The following CSGALNACT1 variants were observed in gnomAD, a reference collection of about 807,000 sequenced individuals.
CSGALNACT1 encodes the protein chondroitin sulfate N-acetylgalactosaminyltransferase 1.
A neutral mutation model predicts 51.0 loss-of-function variants in CSGALNACT1; 52 were observed. That is an observed-to-expected ratio of 1.02 (90% CI 0.82 to 1.29). CSGALNACT1 has a LOEUF of 1.29. CSGALNACT1 is among the 50% of genes most tolerant of loss of function. The probability of loss-of-function intolerance (pLI) is 0.00; values close to 1 mark genes in which losing one functional copy is unlikely to be tolerated. For missense variants in CSGALNACT1, 935 were observed against 679.2 expected (o/e 1.38, Z -4.19); for synonymous variants, 341 against 254.4 (o/e 1.34, Z -3.24).
chr8:19,501,744 A>T (rs1456926440), intron 4 of CSGALNACT1, among the ~76,000 whole-genome samples: 2 of 152,252 alleles, frequency 1.3e-5, no homozygotes, highest in Middle Eastern at 3.2e-3. Flanking sequence ...ACAGGAAATC[A>T]GAGCCAAAAT....
intron 6 of CSGALNACT1, among the ~76,000 whole-genome samples, chr8:19,439,262 G>C (rs2060908169): frequency 6.6e-6 from 1 of 152,240 alleles, no homozygotes; most frequent in African/African-American, 2.4e-5. Context: ...GAGGTCTCAA[G>C]TTTTTGGTTA....
At chr8:19,463,282 CT>C (rs944272631) in intron 4 of CSGALNACT1, among the ~76,000 whole-genome samples, 1 of 152,146 alleles carries the variant, frequency 6.6e-6, no homozygotes, top group African/African-American at 2.4e-5. Flanking sequence ...AATTTCATCT[CT>C]TTTAAAAACG....
At chr8:19,406,596 GCAT>G (rs1202010533) in intron 9 of CSGALNACT1, among the ~76,000 whole-genome samples, 1 of 117,822 alleles carries the variant, frequency 8.5e-6, no homozygotes, top group Non-Finnish European at 1.7e-5. Flanking sequence ...ATAAACATGC[GCAT>G]AATAATTAAA....
intron 1 of CSGALNACT1, among the ~76,000 whole-genome samples, chr8:19,681,533 G>T (rs2154209027): frequency 6.6e-6 from 1 of 152,248 alleles, no homozygotes; most frequent in South Asian, 2.1e-4. Context: ...AAGTCTCCTG[G>T]GTCTGCATCA....
chr8:19,408,949 A>AC (rs1554501215), intron 8 of CSGALNACT1, among the ~76,000 whole-genome samples: 3 of 142,216 alleles, frequency 2.1e-5, no homozygotes, highest in Non-Finnish European at 3.1e-5. Flanking sequence ...TAGATATGAA[A>AC]ACACACACAC....
At chr8:19,521,152 C>A (rs1042306572) in intron 3 of CSGALNACT1, among the ~76,000 whole-genome samples, 1 of 152,180 alleles carries the variant, frequency 6.6e-6, no homozygotes, top group African/African-American at 2.4e-5. Context: ...CTATAGGTAA[C>A]GGCTAGCCAG....
intron 1 of CSGALNACT1, among the ~76,000 whole-genome samples, chr8:19,720,560 A>G (rs2063064219): frequency 6.6e-6 from 1 of 152,210 alleles, no homozygotes; most frequent in East Asian, 1.9e-4. Context: ...TGTATGCATT[A>G]CATGTCTTGG....
At chr8:19,466,925 C>T (rs534627696) in intron 4 of CSGALNACT1, among the ~76,000 whole-genome samples, 1 of 152,298 alleles carries the variant, frequency 6.6e-6, no homozygotes, top group South Asian at 2.1e-4. Context: ...GTTGCAGCGA[C>T]TGGTAGACTT....
intron 5 of CSGALNACT1, among the ~76,000 whole-genome samples, chr8:19,446,565 A>C (rs776432171): frequency 6.6e-6 from 1 of 152,140 alleles, no homozygotes; most frequent in African/African-American, 2.4e-5. Flanking sequence ...TCTCTCACCC[A>C]GGCAACGGTG....
chr8:19,489,617 A>T (rs966869796), intron 4 of CSGALNACT1, among the ~76,000 whole-genome samples: 1 of 152,168 alleles, frequency 6.6e-6, no homozygotes, highest in African/African-American at 2.4e-5. Context: ...CCCTCATTTA[A>T]GTCTAGGGGG....
intron 4 of CSGALNACT1, among the ~76,000 whole-genome samples, chr8:19,465,039 T>C (rs1406908135): frequency 6.6e-6 from 1 of 152,208 alleles, no homozygotes; most frequent in Non-Finnish European, 1.5e-5. Flanking sequence ...CAGATACTTA[T>C]GAACTCATGA....
chr8:19,567,834 C>A (rs1330271615), intron 3 of CSGALNACT1, among the ~76,000 whole-genome samples: 1 of 151,928 alleles, frequency 6.6e-6, no homozygotes, highest in African/African-American at 2.4e-5. Context: ...AAAATCAATT[C>A]TATTTTAATA....
At chr8:19,634,250 A>G (rs990103985) in intron 1 of CSGALNACT1, among the ~76,000 whole-genome samples, 1 of 152,166 alleles carries the variant, frequency 6.6e-6, no homozygotes, top group African/African-American at 2.4e-5. Context: ...CAAAATTCCT[A>G]TGTTGAAGCC....
intron 9 of CSGALNACT1, among the ~76,000 whole-genome samples, chr8:19,407,921 G>GTATATGAAT (rs2153663407): frequency 3.5e-5 from 3 of 85,776 alleles, no homozygotes; most frequent in East Asian, 1.9e-3. Flanking sequence ...GTGTGTGTGT[G>GTATATGAAT]TGTGTGTGTG....
intron 3 of CSGALNACT1, among the ~76,000 whole-genome samples, chr8:19,515,801 C>T (rs532159003): frequency 3.9e-5 from 6 of 152,162 alleles, no homozygotes; most frequent in Non-Finnish European, 8.8e-5. Flanking sequence ...CTATGCCAGA[C>T]CGTCTAGTCC....
intron 3 of CSGALNACT1, among the ~76,000 whole-genome samples, chr8:19,570,502 G>A (rs2042789748): frequency 1.3e-5 from 2 of 152,134 alleles, no homozygotes; most frequent in Admixed American, 1.3e-4. Context: ...GAGAGCAAGA[G>A]GTAATGAGGA....
chr8:19,503,603 T>C (rs2076790120), intron 4 of CSGALNACT1, among the ~76,000 whole-genome samples: 1 of 152,074 alleles, frequency 6.6e-6, no homozygotes, highest in African/African-American at 2.4e-5. Context: ...TGATTTTCCC[T>C]GAGGGTCGGC....
intron 1 of CSGALNACT1, among the ~76,000 whole-genome samples, chr8:19,706,033 A>G (rs945954884): frequency 6.6e-6 from 1 of 152,318 alleles, no homozygotes; most frequent in African/African-American, 2.4e-5. Context: ...AGTAGCTACA[A>G]ATAAACCCAG....
intron 5 of CSGALNACT1, among the ~76,000 whole-genome samples, chr8:19,440,801 T>C (rs1165165427): frequency 2.0e-5 from 3 of 152,050 alleles, no homozygotes; most frequent in African/African-American, 7.2e-5. Flanking sequence ...GATGACATGA[T>C]TGTATATCTA....
Sources: allele counts gnomAD v4.1 joint callset (sites outside exome capture counted in the v4.1 genomes callset), GRCh38; gene constraint gnomAD v4.1.1; transcripts MANE v1.5; gene names NCBI Gene and HGNC (gene_info 2026-07-23, HGNC 2026-07-21).